ITGA8: variants seen among roughly 807,000 people sequenced by gnomAD.
The protein encoded by ITGA8 is integrin alpha-8.
A neutral mutation model predicts 142.3 loss-of-function variants in ITGA8; 91 were observed. The ratio of observed to expected loss-of-function variants is 0.64; its 90% CI spans 0.54 to 0.76. The LOEUF (loss-of-function observed/expected upper bound fraction) is 0.76. ITGA8 is among the 30% of genes least tolerant of loss of function. The pLI is 0.00. For synonymous variants in ITGA8, 505 were observed against 485.2 expected (o/e 1.04, Z -0.54); for missense variants, 1,406 against 1,327.7 (o/e 1.06, Z -0.92).
At chr10:15,669,103 C>T (rs570976193) in intron 8 of ITGA8, among the ~76,000 whole-genome samples, 184 of 152,278 alleles carry the variant, frequency 1.2e-3, no homozygotes, top group Non-Finnish European at 2.2e-3. Flanking sequence ...GGGTAATATC[C>T]TGCAGAGTGT....
intron 26 of ITGA8, among the ~76,000 whole-genome samples, chr10:15,556,834 A>T (rs1398179893): frequency 6.6e-6 from 1 of 152,204 alleles, no homozygotes; most frequent in Admixed American, 6.5e-5. Context: ...CCTGTTCACC[A>T]TCCCCACTTC....
chr10:15,700,726 A>C (rs1216067547), intron 2 of ITGA8, among the ~76,000 whole-genome samples: 1 of 152,150 alleles, frequency 6.6e-6, no homozygotes, highest in African/African-American at 2.4e-5. Flanking sequence ...AGCAAGAAAA[A>C]AACAAACAAT....
chr10:15,568,450 A>C (rs1282601493), intron 25 of ITGA8, among the ~76,000 whole-genome samples: 1 of 152,230 alleles, frequency 6.6e-6, no homozygotes, highest in African/African-American at 2.4e-5. Flanking sequence ...CTTTGGGGAC[A>C]TTAGGGTAGC....
chr10:15,642,090 T>C (rs1177978511), intron 13 of ITGA8, among the ~76,000 whole-genome samples: 4 of 151,800 alleles, frequency 2.6e-5, no homozygotes, highest in Non-Finnish European at 4.4e-5. Flanking sequence ...ATCGTGCCAC[T>C]GCACTCCAGC....
At chr10:15,658,428 A>G (rs1034010292) in intron 10 of ITGA8, among the ~76,000 whole-genome samples, 12 of 151,280 alleles carry the variant, frequency 7.9e-5, no homozygotes, top group Admixed American at 7.2e-4. Flanking sequence ...CTCCCCCACC[A>G]GTCTCCCATG....
chr10:15,584,640 A>G (rs1013196669), intron 23 of ITGA8, among the ~76,000 whole-genome samples: 8 of 152,250 alleles, frequency 5.3e-5, no homozygotes, highest in African/African-American at 1.9e-4. Context: ...ACTTCTAAGT[A>G]TATCCTCTGC....
chr10:15,672,543 A>G lies in ITGA8; in HGVS notation c.802+81T>C. On this transcript the variant is annotated intron_variant, in intron 7 of 29. Transcript: ENST00000378076. Reference sequence around the variant, plus strand: ...TATAAGATGCCAAATAACATCGGATAAGTCAGGGATAAAACTTGCATCTAC... The same window carrying G: ...TATAAGATGCCAAATAACATCGGATGAGTCAGGGATAAAACTTGCATCTAC... 6 of 1,455,872 alleles carry G rather than the reference A, an allele frequency of 4.1e-6. No homozygotes were observed. In the East Asian group the frequency reaches 1.2e-4, roughly 29 times the overall value. 90.2% of individuals were successfully genotyped at this position (1,455,872 alleles called of 1,614,324 possible). A position where few individuals can be genotyped will look rare whatever the true frequency, so the allele number is the denominator to read the frequency against.
chr10:15,668,962 C>T (rs1834452923), intron 8 of ITGA8, among the ~76,000 whole-genome samples: 1 of 152,204 alleles, frequency 6.6e-6, no homozygotes, highest in African/African-American at 2.4e-5. Flanking sequence ...ATTTTTCCTT[C>T]ATTTCAACTT....
intron 22 of ITGA8, among the ~76,000 whole-genome samples, chr10:15,591,249 G>A (rs915739384): frequency 6.6e-6 from 1 of 151,736 alleles, no homozygotes. Context: ...TGCCAGGCAA[G>A]GTATAAATAA....
At chr10:15,671,183 A>G (rs1834509408) in intron 8 of ITGA8, among the ~76,000 whole-genome samples, 1 of 152,194 alleles carries the variant, frequency 6.6e-6, no homozygotes, top group African/African-American at 2.4e-5. Flanking sequence ...TTGGTATGTT[A>G]AAAGAGGAAA....
rs149262293 is a variant in ITGA8 at position 15,600,505 on chromosome 10, A to G, written c.2119-3206T>C. Among the ~76,000 whole-genome samples the G allele has an allele frequency of 1.6e-3, 244 of 152,328 alleles. 1 individual carries two copies. The highest frequency in any genetic ancestry group is 5.4e-3 in the African/African-American group (224 of 41,572). On this transcript the variant is annotated intron_variant, in intron 20 of 29. Transcript: ENST00000378076. ...TGGAACAAGCTCTCCGTGTCATTAC[A>G]GGAATGGAAAAGGAACTCAAGCCAG...
chr10:15,561,426 A>G (rs570358678), intron 25 of ITGA8, among the ~76,000 whole-genome samples: 1 of 152,118 alleles, frequency 6.6e-6, no homozygotes, highest in South Asian at 2.1e-4. Context: ...AAAATCATGA[A>G]CAATGTACAA....
chr10:15,550,080 C>T (rs1305888384), intron 26 of ITGA8, among the ~76,000 whole-genome samples: 2 of 152,110 alleles, frequency 1.3e-5, no homozygotes, highest in African/African-American at 2.4e-5. Flanking sequence ...GGACGGTTTC[C>T]CACATACTGT....
chr10:15,600,559 C>A (rs906699811), intron 20 of ITGA8, among the ~76,000 whole-genome samples: 2 of 152,102 alleles, frequency 1.3e-5, no homozygotes, highest in African/African-American at 4.8e-5. Context: ...AGCGATGAGG[C>A]TGAAGAGGTG....
At chr10:15,628,142 CT>C (rs949928447) in intron 13 of ITGA8, among the ~76,000 whole-genome samples, 1 of 151,964 alleles carries the variant, frequency 6.6e-6, no homozygotes, top group African/African-American at 2.4e-5. Context: ...TTACCCACTC[CT>C]TTCGCAGAAA....
chr10:15,716,272 A>G (rs959952870), intron 2 of ITGA8, among the ~76,000 whole-genome samples: 5 of 152,200 alleles, frequency 3.3e-5, no homozygotes, highest in African/African-American at 4.8e-5. Context: ...GTAGTTGATA[A>G]GTATAATAGT....
chr10:15,669,121 C>G (rs1834456317), intron 8 of ITGA8, among the ~76,000 whole-genome samples: 1 of 152,228 alleles, frequency 6.6e-6, no homozygotes, highest in African/African-American at 2.4e-5. Flanking sequence ...TGTTTTCCAA[C>G]TTGGTTCTAT....
At chr10:15,667,367 C>T (rs1441010044) in intron 8 of ITGA8, among the ~76,000 whole-genome samples, 1 of 150,990 alleles carries the variant, frequency 6.6e-6, no homozygotes, top group Non-Finnish European at 1.5e-5. Flanking sequence ...TGGTGATATC[C>T]CCTTTATCAT....
chr10:15,677,524 C>T lies in ITGA8; in HGVS notation c.676+68G>A, dbSNP rs1021205081. 6.4e-6 allele frequency: 8 copies of T among 1,251,970 alleles called. No homozygotes were observed. In the Admixed American group the frequency reaches 1.4e-4, roughly 22 times the overall value. The allele number at this position is 1,251,970 out of a possible 1,614,324, so 77.6% of individuals were successfully genotyped here. On this transcript the variant is annotated intron_variant, in intron 6 of 29. Transcript: ENST00000378076. ...GGTAATAGAAAGTAAACATTTAACA[C>T]TACTTCTGGGTCCATCCTTCTGTTA...
Sources: gnomAD v4.1 joint callset for allele counts (sites outside exome capture counted in the v4.1 genomes callset) on GRCh38, gnomAD v4.1.1 for gene constraint, MANE v1.5 for transcripts, NCBI Gene and HGNC (gene_info 2026-07-23, HGNC 2026-07-21) for gene names.